CYREN: variants seen among roughly 807,000 people sequenced by gnomAD.
CYREN encodes the protein cell cycle regulator of NHEJ.
In CYREN, 7 loss-of-function variants were observed where a neutral mutation model predicts 9.7. The observed-to-expected ratio is 0.72, with a 90% confidence interval of 0.41 to 1.36. The LOEUF is 1.36. CYREN is among the 40% of genes most tolerant of loss of function. The probability of loss-of-function intolerance (pLI) is 0.01; values close to 1 mark genes in which losing one functional copy is unlikely to be tolerated. For synonymous variants in CYREN, 76 were observed against 77.9 expected, an observed-to-expected ratio of 0.98 and a Z score of 0.13; for missense variants, 215 against 198.1, an observed-to-expected ratio of 1.09 and a Z score of -0.51.
intron 2 of CYREN, among the ~76,000 whole-genome samples, chr7:135,160,444 G>T (rs1198598510): frequency 6.6e-6 from 1 of 152,242 alleles, no homozygotes; most frequent in Non-Finnish European, 1.5e-5. Flanking sequence ...GGCCCATGGG[G>T]AAGTAGAGAA....
At chr7:135,168,313 G>GA (rs1401136723) in intron 2 of CYREN, 1 of 12,080 alleles carries the variant, frequency 8.3e-5, no homozygotes, top group Admixed American at 9.2e-4. Flanking sequence ...CCCCCCCCCG[G>GA]CAATTACCGT....
At chr7:135,142,164 T>A (rs1356533136) in intron 2 of CYREN, among the ~76,000 whole-genome samples, 1 of 152,108 alleles carries the variant, frequency 6.6e-6, no homozygotes, top group Non-Finnish European at 1.5e-5. Context: ...AAAGAAAAAG[T>A]TGAATTGCTT....
At chr7:135,097,111 T>C (rs1173468361) in intron 2 of CYREN, among the ~76,000 whole-genome samples, 5 of 152,178 alleles carry the variant, frequency 3.3e-5, no homozygotes, top group Non-Finnish European at 7.4e-5. Flanking sequence ...CATCAACAAA[T>C]GAATGCTTAT....
intron 2 of CYREN, among the ~76,000 whole-genome samples, chr7:135,115,042 T>A (rs562919488): frequency 1.3e-5 from 2 of 152,298 alleles, no homozygotes; most frequent in East Asian, 3.9e-4. Context: ...GGCCTTTGTC[T>A]CGAATTATCT....
At position 135,151,555 on chromosome 7, in the gene CYREN, CA is replaced by C; in HGVS notation, n.356+17193del. 6.6e-6 allele frequency among the ~76,000 whole-genome samples: 1 copy of C among 152,314 alleles called. No individual in the cohort carries two copies. The highest frequency in any genetic ancestry group is 2.1e-4 in the South Asian group (1 of 4,828). ...CCTCTCTCCATTCAGGCGACACACC[CA>C]ACCATGTCTACCTGACTCTCCGTCA... On this transcript the variant is annotated intron_variant and non_coding_transcript_variant, in intron 2 of 2. Transcript: ENST00000459937. This position sits in a 1 kb window ranked among gnomAD's most constrained non-coding sequence, Gnocchi z 4.3.
At chr7:135,121,949 G>A (rs1045886628) in intron 2 of CYREN, among the ~76,000 whole-genome samples, 1 of 152,212 alleles carries the variant, frequency 6.6e-6, no homozygotes, top group African/African-American at 2.4e-5. Flanking sequence ...AGGGCCTAGC[G>A]TCCCAACCCC....
intron 2 of CYREN, among the ~76,000 whole-genome samples, chr7:135,149,074 C>G (rs1298828877): frequency 6.6e-6 from 1 of 152,196 alleles, no homozygotes; most frequent in Admixed American, 6.5e-5. Context: ...GAGACTCAGT[C>G]CATGAGATAT....
chr7:135,168,886 G>C lies in CYREN; in HGVS notation c.37C>G (p.Leu13Val). The change falls in exon 2 of 4, where the codon CTT (leucine) becomes GTT (valine). Residue 13 changes from leucine (L) to valine (V), a missense_variant. Coordinates refer to ENST00000393114, the MANE Select transcript of CYREN (RefSeq NM_024033.4). ...ACCTGGGCTGTCAGCCATGAGGGAA[G>C]GACCCTCGTTTTAGTCTCGGATTGT... ...TLQSETKTRV[L>V]PSWLTAQVAT... The C allele has an allele frequency of 6.2e-7, 1 of 1,613,154 alleles. No individual in the cohort carries two copies. Among genetic ancestry groups the C allele is most frequent in the Middle Eastern group, 1.7e-4 (1 of 6,056 alleles).
At chr7:135,149,689 G>C (rs532277199) in intron 2 of CYREN, among the ~76,000 whole-genome samples, 1 of 152,226 alleles carries the variant, frequency 6.6e-6, no homozygotes, top group East Asian at 1.9e-4. Context: ...ATCATCAAGT[G>C]TTTTTACCTA....
intron 2 of CYREN, among the ~76,000 whole-genome samples, chr7:135,139,040 T>C (rs1233386950): frequency 6.6e-6 from 1 of 152,104 alleles, no homozygotes; most frequent in Non-Finnish European, 1.5e-5. Flanking sequence ...CTGTGAATAG[T>C]GCTACAGTGA....
chr7:135,172,319 T>G (rs1134054), upstream of CYREN, among the ~76,000 whole-genome samples: 2 of 152,148 alleles, frequency 1.3e-5, no homozygotes, highest in African/African-American at 4.8e-5. Context: ...GCTGGATACT[T>G]TGGTTTTGGT....
intron 2 of CYREN, among the ~76,000 whole-genome samples, chr7:135,095,770 C>T (rs1206112975): frequency 6.6e-6 from 1 of 152,164 alleles, no homozygotes; most frequent in African/African-American, 2.4e-5. Flanking sequence ...TTGCTGCTCA[C>T]AATAATGGAT....
chr7:135,097,174 C>T (rs937185269), intron 2 of CYREN, among the ~76,000 whole-genome samples: 1 of 152,080 alleles, frequency 6.6e-6, no homozygotes, highest in Non-Finnish European at 1.5e-5. Flanking sequence ...ATTACATTTC[C>T]TGGTTCAAAG....
chr7:135,111,407 C>T (rs895788090), intron 2 of CYREN, among the ~76,000 whole-genome samples: 1 of 152,180 alleles, frequency 6.6e-6, no homozygotes, highest in Admixed American at 6.5e-5. Flanking sequence ...CAAAGCCATA[C>T]TAACTTCTCT....
intron 2 of CYREN, among the ~76,000 whole-genome samples, chr7:135,133,067 GCACACACACACACA>G (rs55861736): frequency 7.3e-5 from 11 of 150,320 alleles, no homozygotes; most frequent in South Asian, 4.2e-4. Flanking sequence ...ACGCATGCGT[GCACACACACACACA>G]CACACACACA....
At chr7:135,119,876 C>CA (rs1289902351) in intron 2 of CYREN, among the ~76,000 whole-genome samples, 2 of 150,880 alleles carry the variant, frequency 1.3e-5, no homozygotes, top group Non-Finnish European at 2.9e-5. Context: ...GACTCCGTCT[C>CA]AAAAAATAAA....
At chr7:135,160,761 C>T (rs542907250) in intron 2 of CYREN, among the ~76,000 whole-genome samples, 1 of 151,898 alleles carries the variant, frequency 6.6e-6, no homozygotes, top group Non-Finnish European at 1.5e-5. Flanking sequence ...AAAAAAGAGC[C>T]CCTACTGTGT....
chr7:135,143,077 T>C (rs1829482390), intron 2 of CYREN, among the ~76,000 whole-genome samples: 1 of 152,194 alleles, frequency 6.6e-6, no homozygotes, highest in Admixed American at 6.5e-5. Context: ...CTGAGTGCGG[T>C]GGCTCATGCC....
downstream of CYREN, among the ~76,000 whole-genome samples, chr7:135,161,983 G>GCC (rs1278378999): frequency 6.6e-6 from 1 of 152,240 alleles, no homozygotes; most frequent in African/African-American, 2.4e-5. The surrounding 1 kb of genome is among the most constrained non-coding windows in gnomAD (Gnocchi z 4.1). Context: ...GTATTCACAG[G>GCC]CCCCAGCTCT....
Sources: gnomAD v4.1 joint callset for allele counts (sites outside exome capture counted in the v4.1 genomes callset) on GRCh38, gnomAD v4.1.1 for gene constraint, Gnocchi (gnomAD v3.1) non-coding constraint, MANE v1.5 for transcripts, NCBI Gene and HGNC (gene_info 2026-07-23, HGNC 2026-07-21) for gene names.